The following NFASC variants were observed in gnomAD, a reference collection of about 807,000 sequenced individuals.
NFASC encodes neurofascin.
Under a neutral mutation model 147.5 loss-of-function variants are expected in NFASC, and 43 were observed. That is an observed-to-expected ratio of 0.29 (90% CI 0.23 to 0.38). The LOEUF is 0.38. Ranked by LOEUF, NFASC falls within the 10% of genes least tolerant of loss-of-function variation. NFASC has a pLI of 1.00. For synonymous variants in NFASC, 622 were observed against 665.5 expected (o/e 0.93, Z 1.01); for missense variants, 1,320 against 1,689.0 (o/e 0.78, Z 3.83).
intron 1 of NFASC, among the ~76,000 whole-genome samples, chr1:204,836,756 C>A (rs1331589476): frequency 6.6e-6 from 1 of 152,220 alleles, no homozygotes; most frequent in African/African-American, 2.4e-5. Context: ...TAGGTCAGGG[C>A]AGAAACTGGA....
At chr1:204,963,993 G>T (rs1418212807) in intron 8 of NFASC, among the ~76,000 whole-genome samples, 1 of 152,162 alleles carries the variant, frequency 6.6e-6, no homozygotes, top group Non-Finnish European at 1.5e-5. Context: ...ACTGCTAGGT[G>T]CCCCCTGACC....
intron 2 of NFASC, among the ~76,000 whole-genome samples, chr1:204,923,973 A>G (rs538040525): frequency 2.0e-5 from 3 of 152,334 alleles, no homozygotes; most frequent in African/African-American, 7.2e-5. Context: ...GTGAGTTTCT[A>G]ATAAGAGGAC....
chr1:205,010,904 A>G lies in NFASC; in HGVS notation c.3421+1216A>G, dbSNP rs375148692. 2.3e-5 allele frequency: 3 copies of G among 129,280 alleles called. No homozygotes were observed. In the East Asian group the frequency reaches 6.1e-4, roughly 26 times the overall value. 8.0% of individuals were successfully genotyped at this position (129,280 alleles called of 1,614,324 possible). A position where few individuals can be genotyped will look rare whatever the true frequency, so the allele number is the denominator to read the frequency against. On this transcript the variant is annotated intron_variant, in intron 28 of 29. Transcript: ENST00000339876. This position sits in a 1 kb window ranked among gnomAD's most constrained non-coding sequence, Gnocchi z 4.1. Reference sequence around the variant, plus strand: ...GGCGGCAGAGCAAGACTCCGTCTCAAAAAAGGAAAAAAAAAAAAAAAGATC... The same window carrying G: ...GGCGGCAGAGCAAGACTCCGTCTCAGAAAAGGAAAAAAAAAAAAAAAGATC...
At chr1:204,885,751 G>A (rs1342971099) in intron 1 of NFASC, among the ~76,000 whole-genome samples, 1 of 152,160 alleles carries the variant, frequency 6.6e-6, no homozygotes, top group African/African-American at 2.4e-5. Context: ...CAGTTTGTGA[G>A]TTCCATAACC....
intron 1 of NFASC, among the ~76,000 whole-genome samples, chr1:204,867,439 A>ACT (rs2077204637): frequency 7.2e-6 from 1 of 139,328 alleles, no homozygotes; most frequent in African/African-American, 2.6e-5. Flanking sequence ...ACACACACAC[A>ACT]CTACACAATC....
In NFASC at chr1:205,016,266, C is replaced by G. The variant is rs375026791; in HGVS notation, c.3492-42C>G. On this transcript the variant is annotated intron_variant, in intron 29 of 29. Transcript: ENST00000339876. This position sits in a 1 kb window ranked among gnomAD's most constrained non-coding sequence, Gnocchi z 5.1. Reference sequence around the variant, plus strand: ...ATGTGCTGGCAGGAGGCCAGCTGCCCCATCTCACCCCACCTGAGATTCTCT... The same window carrying G: ...ATGTGCTGGCAGGAGGCCAGCTGCCGCATCTCACCCCACCTGAGATTCTCT... 7 of 1,412,506 alleles carry G rather than the reference C, an allele frequency of 5.0e-6. No individual in the cohort carries two copies. In the African/African-American group the frequency reaches 9.9e-5, roughly 20 times the overall value. 87.5% of individuals were successfully genotyped at this position (1,412,506 alleles called of 1,614,324 possible).
chr1:204,977,021 G>C, intron 16 of NFASC: 1 of 1,300,410 alleles, frequency 7.7e-7, no homozygotes, highest in South Asian at 2.5e-5. Flanking sequence ...ACTTCCCCAC[G>C]TCTCAACTGA....
chr1:204,985,892 C>T (rs1214468799), intron 21 of NFASC: 1 of 1,591,144 alleles, frequency 6.3e-7, no homozygotes, highest in Non-Finnish European at 8.6e-7. Context: ...CCCTCACCAG[C>T]CTGCCTCTGT....
chr1:204,829,425 G>C (rs1265538522), intron 1 of NFASC, among the ~76,000 whole-genome samples: 1 of 151,828 alleles, frequency 6.6e-6, no homozygotes, highest in Admixed American at 6.6e-5. Flanking sequence ...TTCCCTAGCT[G>C]CCCTTCCTGG....
chr1:204,870,823 A>G, intron 1 of NFASC: 1 of 1,179,812 alleles, frequency 8.5e-7, no homozygotes, highest in Non-Finnish European at 1.1e-6. Flanking sequence ...GAGGTGGCCG[A>G]TGGGGGTGAC....
intron 1 of NFASC, among the ~76,000 whole-genome samples, chr1:204,830,006 G>GGGGT (rs1159206312): frequency 6.0e-4 from 87 of 144,106 alleles, no homozygotes; most frequent in African/African-American, 2.0e-3. Flanking sequence ...TTTGGCATGG[G>GGGGT]GTGTGTGTGT....
rs1478309037 is a variant in NFASC, at chr1:204,970,607, G to A, written c.1004-9G>A. ...TAACTCCCCTGCCTGTGTCTGTCTT[G>A]TCTTCCAGCTGCTCCCTACTGGCTG... On this transcript the variant is annotated splice_polypyrimidine_tract_variant and intron_variant, in intron 10 of 29. Coordinates refer to ENST00000339876, the MANE Select transcript of NFASC (RefSeq NM_001005388.3). 2 of 1,613,664 alleles carry A rather than the reference G, an allele frequency of 1.2e-6. No homozygotes were observed. The highest frequency in any genetic ancestry group is 1.7e-6 in the Non-Finnish European group (2 of 1,180,028).
chr1:204,933,392 A>G (rs1248117427), intron 2 of NFASC, among the ~76,000 whole-genome samples: 3 of 152,168 alleles, frequency 2.0e-5, no homozygotes, highest in Non-Finnish European at 4.4e-5. Flanking sequence ...TTGTAAGGGC[A>G]ATTCCCAGGT....
chr1:204,897,522 A>G (rs886606248), intron 1 of NFASC, among the ~76,000 whole-genome samples: 2 of 152,188 alleles, frequency 1.3e-5, no homozygotes, highest in African/African-American at 4.8e-5. Context: ...CTGGTAAACT[A>G]ATAAGAGCTG....
At chr1:204,875,909 G>A (rs1343044491) in intron 1 of NFASC, among the ~76,000 whole-genome samples, 2 of 152,142 alleles carry the variant, frequency 1.3e-5, no homozygotes, top group Non-Finnish European at 2.9e-5. Context: ...TTGTTTGACT[G>A]ACTCTGAAAT....
chr1:204,937,584 C>G (rs955038148), intron 2 of NFASC, among the ~76,000 whole-genome samples: 1 of 152,184 alleles, frequency 6.6e-6, no homozygotes, highest in African/African-American at 2.4e-5. Flanking sequence ...GCTTCCTTCA[C>G]TTGGTAGTGT....
intron 20 of NFASC, 29 bp from the exon 21 acceptor site, chr1:204,981,769 C>A (rs762469160): frequency 1.4e-6 from 2 of 1,446,116 alleles, no homozygotes; most frequent in East Asian, 2.5e-5. Flanking sequence ...CTCTGGCAGC[C>A]TCTCCAGCCT....
Position 205,018,437 on chromosome 1 carries a change from C to G in NFASC, c.*1898C>G, listed in dbSNP as rs1271964316. On this transcript the variant is annotated 3_prime_UTR_variant, in exon 30 of 30. Coordinates refer to ENST00000339876, the MANE Select transcript of NFASC (RefSeq NM_001005388.3). ...AAGGTCAAGCCCATAGACACACACT[C>G]TCTGCTGGTAAGAAACCATAGCCCA... 5 of 152,730 alleles carry G rather than the reference C, an allele frequency of 3.3e-5. No homozygotes were observed. The highest frequency in any genetic ancestry group is 3.3e-4 in the Admixed American group (5 of 15,288). 9.5% of individuals were successfully genotyped at this position (152,730 alleles called of 1,614,324 possible).
At position 204,997,188 on chromosome 1, in the gene NFASC, C is replaced by T. The variant is rs756775747; in HGVS notation, c.2801C>T (p.Pro934Leu). Residue 934 changes from proline (P) to leucine (L), a missense_variant, in exon 25 of 30, where the codon CCG (proline) becomes CTG (leucine). Pro to Leu is a moderately conservative substitution (Grantham distance 98). Transcript: ENST00000339876. ...TPTAAPPTLPPTTVGATGAVS... is the reference protein window; with the variant it reads ...TPTAAPPTLPLTTVGATGAVS... ...CTCTCAGCTCCTCCCACATTGCCCCCGACTACCGTGGGTGCGACGGGCGCT... is the reference window on the plus strand; with the variant it reads ...CTCTCAGCTCCTCCCACATTGCCCCTGACTACCGTGGGTGCGACGGGCGCT... 20 of 1,611,870 alleles carry T rather than the reference C, an allele frequency of 1.2e-5. No individual in the cohort carries two copies. In the Middle Eastern group the frequency reaches 4.9e-4, roughly 40 times the overall value.
Sources: allele counts gnomAD v4.1 joint callset (sites outside exome capture counted in the v4.1 genomes callset), GRCh38; gene constraint gnomAD v4.1.1; non-coding constraint Gnocchi (gnomAD v3.1); transcripts MANE v1.5; gene names NCBI Gene and HGNC (gene_info 2026-07-23, HGNC 2026-07-21).